PRADC1: variants seen among roughly 807,000 people sequenced by gnomAD.
PRADC1 encodes protease-associated domain-containing protein 1.
PRADC1 carries 23 observed loss-of-function variants against 22.9 expected under a neutral mutation model. That is an observed-to-expected ratio of 1.00 (90% CI 0.72 to 1.42). PRADC1 has a LOEUF of 1.42. Ranked by LOEUF, PRADC1 falls within the 40% of genes most tolerant of loss-of-function variation. The pLI is 0.00. For missense variants in PRADC1, 207 were observed against 258.3 expected (o/e 0.80, Z 1.36); for synonymous variants, 71 against 100.3 (o/e 0.71, Z 1.75).
rs1435999383 is a variant in PRADC1, at chr2:73,228,779, G to A, written c.446+16C>T. ...CCAGCCTGGTGCTGATAAAGCCAGA[G>A]GCAAGGAGCCCTCACCCGTCTCGGC... is the stretch of plus-strand genomic sequence containing the variant. On this transcript the variant is annotated intron_variant, in intron 4 of 4. Coordinates refer to ENST00000258083, the MANE Select transcript of PRADC1 (RefSeq NM_032319.3). This position sits in a 1 kb window ranked among gnomAD's most constrained non-coding sequence, Gnocchi z 4.0. The A allele has an allele frequency of 6.2e-7, 1 of 1,608,276 alleles. No homozygotes were observed. Among genetic ancestry groups the A allele is most frequent in the Admixed American group, 1.7e-5 (1 of 59,548 alleles).
chr2:73,232,984 G>T, intron 1 of PRADC1, 110 bp downstream of exon 1: 2 of 1,306,084 alleles, frequency 1.5e-6, no homozygotes, highest in Non-Finnish European at 2.1e-6. Context: ...GACCTGTCCT[G>T]CTCTGAACTC....
At chr2:73,232,161 C>A (rs1686656449) in intron 1 of PRADC1, among the ~76,000 whole-genome samples, 1 of 152,004 alleles carries the variant, frequency 6.6e-6, no homozygotes, top group African/African-American at 2.4e-5. Flanking sequence ...CGGTGAAACC[C>A]CCGTCTCTAC....
intron 3 of PRADC1, 38 bp downstream of exon 3, chr2:73,229,423 C>CCTGCCCACTCCTCGTGTCCTGA: frequency 7.3e-7 from 1 of 1,368,132 alleles, no homozygotes; most frequent in Non-Finnish European, 1.0e-6. Flanking sequence ...CTGCCGTATG[C>CCTGCCCACTCCTCGTGTCCTGA]CTGCCCACTC....
rs1407066117 is a variant in PRADC1 at position 73,233,134 on chromosome 2, A to C, written c.27T>G (p.Cys9Trp). Residue 9 changes from cysteine to tryptophan, a missense_variant, in exon 1 of 5, where the codon TGT (cysteine) becomes TGG (tryptophan). Cys to Trp is a radical substitution (Grantham distance 215). Transcript: ENST00000258083. The stretch of plus-strand genomic sequence containing the variant: ...ACGCGGGGAGCCAGAGCACGAGACA[A>C]CACCAGCCCGCGGCGCCGGGGACCA... MVPGAAGW[C>W]CLVLWLPACV... 2 of 1,499,782 alleles carry C rather than the reference A, an allele frequency of 1.3e-6. No individual in the cohort carries two copies. The highest frequency in any genetic ancestry group is 5.6e-5 in the East Asian group (2 of 35,958). 92.9% of individuals were successfully genotyped at this position (1,499,782 alleles called of 1,614,324 possible).
intron 1 of PRADC1, among the ~76,000 whole-genome samples, chr2:73,230,672 C>A (rs1686619379): frequency 6.6e-6 from 1 of 152,256 alleles, no homozygotes; most frequent in South Asian, 2.1e-4. Flanking sequence ...CATTCTTGCT[C>A]CCCAAGCAAC....
intron 1 of PRADC1, 86 bp downstream of exon 1, chr2:73,233,008 G>A (rs948022220): frequency 4.8e-6 from 7 of 1,463,510 alleles, no homozygotes; most frequent in Middle Eastern, 2.1e-4. Flanking sequence ...GGGTCCCCAA[G>A]GTGACCCTTG....
intron 1 of PRADC1, 81 bp downstream of exon 1, chr2:73,233,013 C>T: frequency 6.8e-7 from 1 of 1,478,234 alleles, no homozygotes; most frequent in Non-Finnish European, 9.0e-7. Context: ...CCCAAGGTGA[C>T]CCTTGGCCCC....
chr2:73,230,044 G>A, intron 2 of PRADC1, 69 bp downstream of exon 2: 1 of 1,061,472 alleles, frequency 9.4e-7, no homozygotes, highest in South Asian at 1.3e-5. Context: ...GGGATGAGAG[G>A]GTCACTGCAG....
Position 73,229,484 on chromosome 2 carries a change from G to C in PRADC1, c.255C>G (p.Asp85Glu). 6.3e-7 allele frequency: 1 copy of C among 1,599,548 alleles called. No homozygotes were observed. The highest frequency in any genetic ancestry group is 8.5e-7 in the Non-Finnish European group (1 of 1,174,562). ...GELSNGFFIQDQIALVERGGC... is the reference protein window; with the variant it reads ...GELSNGFFIQEQIALVERGGC... ...ACCCCCTCTCCACCAGAGCAATCTGGTCCTGGATGAAGAAACCGTTGCTGA... is the reference window on the plus strand; with the variant it reads ...ACCCCCTCTCCACCAGAGCAATCTGCTCCTGGATGAAGAAACCGTTGCTGA... The change falls in exon 3 of 5, where the codon GAC (aspartate) becomes GAG (glutamate). Residue 85 changes from aspartate to glutamate, a missense_variant. Asp to Glu is a conservative substitution (Grantham distance 45, BLOSUM62 2). Coordinates refer to ENST00000258083, the MANE Select transcript of PRADC1 (RefSeq NM_032319.3).
rs1292696476 is a variant in PRADC1 at position 73,229,584 on chromosome 2, A to G, written c.169-14T>C. ...ATACCTTGTGTGCTGAAAAACATTT[A>G]ACATTTGGACAGGTGAGAGTGTAAT... On this transcript the variant is annotated splice_polypyrimidine_tract_variant and intron_variant, in intron 2 of 4. Transcript: ENST00000258083. The G allele has an allele frequency of 6.2e-7, 1 of 1,605,506 alleles. No homozygotes were observed. The highest frequency in any genetic ancestry group is 8.5e-7 in the Non-Finnish European group (1 of 1,172,172).
chr2:73,229,221 G>C (rs1686581327), intron 3 of PRADC1, among the ~76,000 whole-genome samples: 1 of 151,910 alleles, frequency 6.6e-6, no homozygotes, highest in Admixed American at 6.6e-5. Flanking sequence ...ATGCGGTCAA[G>C]CAATCCTCTC....
chr2:73,228,458 CAG>C lies in PRADC1; in HGVS notation c.561_562del (p.Phe187LeufsTer13). ...TGGAATGTGGGACAAACTCTTCTACCAGAAGGTCCAGGGCGGTTGCAGCAGCT... is the reference window on the plus strand; with the variant it reads ...TGGAATGTGGGACAAACTCTTCTACCAAGGTCCAGGGCGGTTGCAGCAGCT... On this transcript the variant is annotated frameshift_variant, in exon 5 of 5. Coordinates refer to ENST00000258083, the MANE Select transcript of PRADC1 (RefSeq NM_032319.3). LOFTEE classifies it high-confidence loss of function. This position sits in a 1 kb window ranked among gnomAD's most constrained non-coding sequence, Gnocchi z 4.0. 5 of 1,614,064 alleles carry C rather than the reference CAG, an allele frequency of 3.1e-6. No homozygotes were observed. The highest frequency in any genetic ancestry group is 4.2e-6 in the Non-Finnish European group (5 of 1,180,020).
intron 1 of PRADC1, 36 bp downstream of exon 1, chr2:73,233,058 C>T: frequency 6.6e-7 from 1 of 1,525,582 alleles, no homozygotes; most frequent in Non-Finnish European, 8.7e-7. Flanking sequence ...ACGGCCAGCC[C>T]CGCCCTGCAA....
At position 73,228,729 on chromosome 2, in the gene PRADC1, A is replaced by G. The variant is rs989497653; in HGVS notation, c.446+66T>C. 5 of 1,586,628 alleles carry G rather than the reference A, an allele frequency of 3.2e-6. No individual in the cohort carries two copies. The African/African-American group carries it at 5.4e-5, about 17-fold the overall frequency. On this transcript the variant is annotated intron_variant, in intron 4 of 4. Coordinates refer to ENST00000258083, the MANE Select transcript of PRADC1 (RefSeq NM_032319.3). The surrounding 1 kb of genome is among the most constrained non-coding windows in gnomAD (Gnocchi z 4.0). Reference sequence around the variant, plus strand: ...TGAGGCCTGCAAGAAGGGACTGGTGATTACCCCTGACCCAGTCATGGCGCC... The same window carrying G: ...TGAGGCCTGCAAGAAGGGACTGGTGGTTACCCCTGACCCAGTCATGGCGCC...
rs753115909 is a variant in PRADC1 at position 73,228,517 on chromosome 2, G to A, written c.504C>T (p.Ile168=). Residue 168 remains isoleucine (I), a synonymous_variant, in exon 5 of 5, where the codon ATC becomes ATT. Transcript: ENST00000258083. This position sits in a 1 kb window ranked among gnomAD's most constrained non-coding sequence, Gnocchi z 4.0. ...QHGLPWAIIS[I]PVNVTSIPTF... ...TGGGGATGCTGGTGACATTGACTGG[G>A]ATGGAAATGATGGCCCATGGCAGCC... is the stretch of plus-strand genomic sequence containing the variant. The A allele has an allele frequency of 6.2e-7, 1 of 1,614,230 alleles. No homozygotes were observed. The highest frequency in any genetic ancestry group is 1.1e-5 in the South Asian group (1 of 91,090).
chr2:73,231,844 T>C (rs1179877316), intron 1 of PRADC1, among the ~76,000 whole-genome samples: 1 of 152,208 alleles, frequency 6.6e-6, no homozygotes, highest in East Asian at 1.9e-4. Flanking sequence ...GGCTACAATA[T>C]AGGGATAGCC....
In PRADC1 at chr2:73,228,331, C is replaced by G. The variant is rs1391170810; in HGVS notation, c.*123G>C. The G allele has an allele frequency of 1.8e-5, 23 of 1,294,338 alleles. No homozygotes were observed. Among genetic ancestry groups the G allele is most frequent in the Non-Finnish European group, 2.2e-5 (20 of 929,198 alleles). The allele number at this position is 1,294,338 out of a possible 1,614,324, so 80.2% of individuals were successfully genotyped here. On this transcript the variant is annotated 3_prime_UTR_variant, in exon 5 of 5. Transcript: ENST00000258083. This position sits in a 1 kb window ranked among gnomAD's most constrained non-coding sequence, Gnocchi z 4.0. Reference sequence around the variant, plus strand: ...CCTTTCAGCCTAGCAACGCCCAAACCCTTTTCCTCTACCTGGCTCCACTTG... The same window carrying G: ...CCTTTCAGCCTAGCAACGCCCAAACGCTTTTCCTCTACCTGGCTCCACTTG...
At position 73,228,369 on chromosome 2, in the gene PRADC1, ATC is replaced by A; in HGVS notation, c.*83_*84del. On this transcript the variant is annotated 3_prime_UTR_variant, in exon 5 of 5. Coordinates refer to ENST00000258083, the MANE Select transcript of PRADC1 (RefSeq NM_032319.3). The surrounding 1 kb of genome is among the most constrained non-coding windows in gnomAD (Gnocchi z 4.0). ...CTGGCTCCACTTGTCCCCAGATGCT[ATC>A]TCCAAATTCCAAGTAGCAAAATTCC... 1 of 1,546,856 alleles carries A rather than the reference ATC, an allele frequency of 6.5e-7. No individual in the cohort carries two copies. Among genetic ancestry groups the A allele is most frequent in the Non-Finnish European group, 8.8e-7 (1 of 1,132,992 alleles).
Position 73,228,694 on chromosome 2 carries a change from C to A in PRADC1, c.446+101G>T. On this transcript the variant is annotated intron_variant, in intron 4 of 4. Coordinates refer to ENST00000258083, the MANE Select transcript of PRADC1 (RefSeq NM_032319.3). This position sits in a 1 kb window ranked among gnomAD's most constrained non-coding sequence, Gnocchi z 4.0. ...ATCTTTTTTTGCCCTCTAACTGAAG[C>A]ACCCCAAGTTGAGGCCTGCAAGAAG... The A allele has an allele frequency of 6.3e-7, 1 of 1,584,686 alleles. No homozygotes were observed. The highest frequency in any genetic ancestry group is 1.7e-5 in the Admixed American group (1 of 58,660).
Sources: allele counts gnomAD v4.1 joint callset (sites outside exome capture counted in the v4.1 genomes callset), GRCh38; gene constraint gnomAD v4.1.1; non-coding constraint Gnocchi (gnomAD v3.1); transcripts MANE v1.5; gene names NCBI Gene and HGNC (gene_info 2026-07-23, HGNC 2026-07-21).